FOXP2: variants seen among roughly 807,000 people sequenced by gnomAD.
The protein encoded by FOXP2 is forkhead box P2, also known as forkhead box protein P2.
FOXP2 carries 12 observed loss-of-function variants against 115.8 expected under a neutral mutation model. The observed-to-expected ratio is 0.10, with a 90% CI of 0.07 to 0.17. The LOEUF (loss-of-function observed/expected upper bound fraction) is 0.17. Among genes scored for constraint, FOXP2 ranks in the 10% least tolerant of loss-of-function variants. The pLI is 1.00. For missense variants in FOXP2, 629 were observed against 843.5 expected (o/e 0.75, Z 3.15); for synonymous variants, 328 against 297.7 (o/e 1.10, Z -1.05).
chr7:114,674,200 G>A (rs1428814238), intron 16 of FOXP2, among the ~76,000 whole-genome samples: 1 of 152,038 alleles, frequency 6.6e-6, no homozygotes, highest in Non-Finnish European at 1.5e-5. Context: ...ATAGACTAAG[G>A]GAGGATAACA....
chr7:114,425,957 C>T (rs1793826542), intron 1 of FOXP2, among the ~76,000 whole-genome samples: 1 of 151,590 alleles, frequency 6.6e-6, no homozygotes, highest in African/African-American at 2.4e-5. Flanking sequence ...AAAAAAGAAA[C>T]CCATTATACT....
chr7:114,436,847 A>G lies in FOXP2; in HGVS notation c.168+10168A>G, dbSNP rs148659305. On this transcript the variant is annotated intron_variant, in intron 2 of 16. Coordinates refer to ENST00000350908, the MANE Select transcript of FOXP2 (RefSeq NM_014491.4). ...GAGTAGAAGTTAGCTAGATCAAAGT[A>G]AAAGTAGAGAGGGCATTTCCTTACT... Among the ~76,000 whole-genome samples the G allele has an allele frequency of 2.3e-3, 357 of 152,300 alleles. 1 individual carries two copies. The highest frequency in any genetic ancestry group is 8.2e-3 in the African/African-American group (342 of 41,588).
At chr7:114,593,255 T>C (rs572164270) in intron 3 of FOXP2, among the ~76,000 whole-genome samples, 1 of 152,060 alleles carries the variant, frequency 6.6e-6, no homozygotes, top group African/African-American at 2.4e-5. Flanking sequence ...AAAAAATCAC[T>C]CTATTCCACC....
intron 2 of FOXP2, among the ~76,000 whole-genome samples, chr7:114,469,268 G>T (rs1795940543): frequency 6.6e-6 from 1 of 152,082 alleles, no homozygotes; most frequent in Admixed American, 6.6e-5. Context: ...AGGAAAAAAG[G>T]TCTCAGTCAC....
At chr7:114,363,479 T>C (rs933850039) in intron 2 of FOXP2, among the ~76,000 whole-genome samples, 3 of 152,096 alleles carry the variant, frequency 2.0e-5, no homozygotes, top group East Asian at 1.9e-4. Flanking sequence ...AGCATGAACA[T>C]TGTAATGTTT....
chr7:114,481,366 A>C (rs559139826), intron 2 of FOXP2, among the ~76,000 whole-genome samples: 1 of 151,514 alleles, frequency 6.6e-6, no homozygotes, highest in Admixed American at 6.6e-5. Context: ...ATTTAAATCT[A>C]TACTTAAACC....
At chr7:114,518,937 C>G (rs1798478370) in intron 2 of FOXP2, among the ~76,000 whole-genome samples, 1 of 152,154 alleles carries the variant, frequency 6.6e-6, no homozygotes, top group Admixed American at 6.5e-5. Flanking sequence ...CAGTTTGCAT[C>G]ACCGTCATTA....
intron 2 of FOXP2, among the ~76,000 whole-genome samples, chr7:114,397,191 T>C (rs1252108746): frequency 6.6e-6 from 1 of 152,142 alleles, no homozygotes; most frequent in East Asian, 1.9e-4. Flanking sequence ...CTTTAAAATT[T>C]AAAAATTTAA....
chr7:114,176,298 T>TTCTTTCTCTC (rs368923204), intron 1 of FOXP2, among the ~76,000 whole-genome samples: 81 of 76,576 alleles, frequency 1.1e-3, no homozygotes, highest in Middle Eastern at 6.3e-3. Context: ...CTTTCTTTCT[T>TTCTTTCTCTC]TCTCTCTCTC....
chr7:114,577,932 A>G (rs1392323309), intron 3 of FOXP2, among the ~76,000 whole-genome samples: 1 of 151,720 alleles, frequency 6.6e-6, no homozygotes, highest in African/African-American at 2.4e-5. Context: ...AGCATAATTC[A>G]TAAATTCACA....
At chr7:114,155,363 A>T (rs1312342757) in intron 1 of FOXP2, among the ~76,000 whole-genome samples, 1 of 152,082 alleles carries the variant, frequency 6.6e-6, no homozygotes, top group Non-Finnish European at 1.5e-5. Context: ...GACAAAACAG[A>T]CCCTGTAGCA....
At chr7:114,625,412 C>T (rs559400065) in intron 3 of FOXP2, among the ~76,000 whole-genome samples, 1 of 151,732 alleles carries the variant, frequency 6.6e-6, no homozygotes, top group Non-Finnish European at 1.5e-5. Context: ...AAAATAGTTC[C>T]GTTAGTCTAA....
intron 2 of FOXP2, among the ~76,000 whole-genome samples, chr7:114,399,476 T>C (rs868526047): frequency 9.2e-5 from 14 of 152,354 alleles, no homozygotes; most frequent in Middle Eastern, 3.4e-3. Flanking sequence ...TGATATATTC[T>C]GGGTATTAAA....
chr7:114,135,636 C>T (rs1164142698), intron 1 of FOXP2, among the ~76,000 whole-genome samples: 1 of 152,048 alleles, frequency 6.6e-6, no homozygotes, highest in Non-Finnish European at 1.5e-5. Context: ...TTGAGACTAG[C>T]TTTGAAGTTT....
chr7:114,624,912 A>G lies in FOXP2; in HGVS notation c.259-3628A>G, dbSNP rs566343851. Among the ~76,000 whole-genome samples, 4 of 151,534 alleles carry G rather than the reference A, an allele frequency of 2.6e-5. 1 individual carries two copies. The highest frequency in any genetic ancestry group is 9.6e-5 in the African/African-American group (4 of 41,454). Reference sequence around the variant, plus strand: ...GTAATACACTTACCTATTCTAGGATAATACCTAAATTTTTTTTTTTACTTT... The same window carrying G: ...GTAATACACTTACCTATTCTAGGATGATACCTAAATTTTTTTTTTTACTTT... On this transcript the variant is annotated intron_variant, in intron 3 of 16. Coordinates refer to ENST00000350908, the MANE Select transcript of FOXP2 (RefSeq NM_014491.4).
intron 1 of FOXP2, among the ~76,000 whole-genome samples, chr7:114,243,195 C>T (rs372339056): frequency 6.8e-6 from 1 of 146,566 alleles, no homozygotes; most frequent in African/African-American, 2.6e-5. Flanking sequence ...CATGACTCAT[C>T]GAAGCAATCA....
intron 16 of FOXP2, among the ~76,000 whole-genome samples, chr7:114,676,633 G>C (rs528080732): frequency 9.9e-5 from 15 of 152,066 alleles, no homozygotes; most frequent in Admixed American, 2.6e-4. Flanking sequence ...AGGTGACAAG[G>C]CTAATCATAT....
intron 1 of FOXP2, among the ~76,000 whole-genome samples, chr7:114,198,160 A>G (rs781218457): frequency 2.5e-4 from 38 of 152,090 alleles, no homozygotes; most frequent in Non-Finnish European, 3.7e-4. Flanking sequence ...TACCGCCCCC[A>G]GCCAGTATTA....
chr7:114,261,395 A>C (rs956225387), intron 1 of FOXP2, among the ~76,000 whole-genome samples: 3 of 152,268 alleles, frequency 2.0e-5, no homozygotes, highest in Middle Eastern at 3.4e-3. Context: ...TAATTTATTT[A>C]TGTTACCTCT....
Sources: gnomAD v4.1 joint callset for allele counts (sites outside exome capture counted in the v4.1 genomes callset) on GRCh38, gnomAD v4.1.1 for gene constraint, MANE v1.5 for transcripts, NCBI Gene and HGNC (gene_info 2026-07-23, HGNC 2026-07-21) for gene names.